Variants in PCDH7 observed in about 807,000 individuals in gnomAD.
PCDH7 encodes the protein protocadherin 7.
PCDH7 carries 17 observed loss-of-function variants against 58.9 expected under a neutral mutation model. That is an observed-to-expected ratio of 0.29 (90% confidence interval 0.20 to 0.43). The LOEUF (loss-of-function observed/expected upper bound fraction) is 0.43, where lower values mean the gene tolerates loss of function less well. Ranked by LOEUF, PCDH7 falls within the 20% of genes least tolerant of loss-of-function variation. The pLI is 1.00. For synonymous variants in PCDH7, 664 were observed against 616.4 expected (o/e 1.08, Z -1.14); for missense variants, 1,274 against 1,441.0 (o/e 0.88, Z 1.88).
chr4:31,107,428 G>A (rs924988162), intron 3 of PCDH7, among the ~76,000 whole-genome samples: 2 of 152,170 alleles, frequency 1.3e-5, no homozygotes, highest in East Asian at 3.9e-4. Flanking sequence ...TATAATGAGA[G>A]TGAGAAAGCA....
downstream of PCDH7, among the ~76,000 whole-genome samples, chr4:30,735,251 T>C (rs970603311): frequency 3.9e-5 from 6 of 152,172 alleles, no homozygotes; most frequent in African/African-American, 1.4e-4. Context: ...TTTCGTCAAC[T>C]GATATATTCC....
chr4:30,872,879 A>G (rs1391689847), intron 1 of PCDH7, among the ~76,000 whole-genome samples: 2 of 152,084 alleles, frequency 1.3e-5, no homozygotes, highest in Non-Finnish European at 2.9e-5. Context: ...CTTGCTTATG[A>G]GGATTCAGTA....
chr4:31,092,335 T>C (rs1304934900), intron 3 of PCDH7, among the ~76,000 whole-genome samples: 1 of 151,984 alleles, frequency 6.6e-6, no homozygotes, highest in Non-Finnish European at 1.5e-5. Context: ...AAGGAAAAAC[T>C]GAGGAATTAG....
chr4:30,801,302 A>G (rs1445849604), intron 1 of PCDH7, among the ~76,000 whole-genome samples: 3 of 152,246 alleles, frequency 2.0e-5, no homozygotes, highest in African/African-American at 4.8e-5. Context: ...ATTTATTTAC[A>G]CTTAGTGATA....
chr4:31,016,798 T>TGC (rs1426147831), intron 3 of PCDH7, among the ~76,000 whole-genome samples: 3 of 151,358 alleles, frequency 2.0e-5, no homozygotes, highest in African/African-American at 7.3e-5. Flanking sequence ...TGTGTGTGTG[T>TGC]GCGTGTGTGC....
intron 1 of PCDH7, among the ~76,000 whole-genome samples, chr4:30,892,499 G>A (rs2109385002): frequency 6.6e-6 from 1 of 152,074 alleles, no homozygotes; most frequent in Admixed American, 6.6e-5. Flanking sequence ...ATTTCATGGT[G>A]AAATAGAAAC....
chr4:31,091,125 G>A (rs1035377816), intron 3 of PCDH7, among the ~76,000 whole-genome samples: 4 of 151,786 alleles, frequency 2.6e-5, no homozygotes, highest in Admixed American at 1.3e-4. Flanking sequence ...ATTATATCCT[G>A]TCACCAAAAC....
chr4:30,883,173 C>T (rs1340853435), intron 1 of PCDH7, among the ~76,000 whole-genome samples: 1 of 152,154 alleles, frequency 6.6e-6, no homozygotes, highest in Non-Finnish European at 1.5e-5. Context: ...GGCTCAGAAT[C>T]CCACGGAGGT....
chr4:31,017,347 A>G (rs1753696135), intron 3 of PCDH7, among the ~76,000 whole-genome samples: 1 of 152,108 alleles, frequency 6.6e-6, no homozygotes, highest in African/African-American at 2.4e-5. Context: ...CAGCATTGTG[A>G]TAAGGGCTAT....
intron 3 of PCDH7, among the ~76,000 whole-genome samples, chr4:31,021,459 G>A (rs1754010301): frequency 6.6e-6 from 1 of 152,182 alleles, no homozygotes; most frequent in Non-Finnish European, 1.5e-5. Flanking sequence ...CTGACCTTTT[G>A]TATGGTCAGA....
rs555634312 is a variant in PCDH7 at position 30,952,914 on chromosome 4, A to G, written c.*7+2699A>G. Among the ~76,000 whole-genome samples, 13 of 152,304 alleles carry G rather than the reference A, an allele frequency of 8.5e-5. No individual in the cohort carries two copies. In the South Asian group the frequency reaches 2.7e-3, roughly 32 times the overall value. On this transcript the variant is annotated intron_variant, in intron 3 of 3. Coordinates refer to the PCDH7 transcript ENST00000509759. ...AAGTCCAAATATCCCTCTCCACCACATTCTCTACCAAGATACTCATAACAC... is the reference window on the plus strand; with the variant it reads ...AAGTCCAAATATCCCTCTCCACCACGTTCTCTACCAAGATACTCATAACAC...
chr4:30,970,598 A>T (rs1749499461), intron 3 of PCDH7, among the ~76,000 whole-genome samples: 1 of 152,148 alleles, frequency 6.6e-6, no homozygotes, highest in South Asian at 2.1e-4. Context: ...CGGCCAAATG[A>T]TACCTTTTAA....
At chr4:30,729,658 G>A (rs1715193294) in intron 1 of PCDH7, among the ~76,000 whole-genome samples, 4 of 152,040 alleles carry the variant, frequency 2.6e-5, no homozygotes, top group South Asian at 4.1e-4. Flanking sequence ...AACTTTTTAT[G>A]CATTCTAATT....
At chr4:31,097,502 AAGAAAGAG>A (rs1303705899) in intron 3 of PCDH7, among the ~76,000 whole-genome samples, 3 of 91,880 alleles carry the variant, frequency 3.3e-5, no homozygotes, top group African/African-American at 1.8e-4. Context: ...AAAAGAAAGA[AAGAAAGAG>A]AGAAAGAAAG....
chr4:30,901,086 C>G (rs1459556380), intron 1 of PCDH7, among the ~76,000 whole-genome samples: 1 of 152,120 alleles, frequency 6.6e-6, no homozygotes, highest in Non-Finnish European at 1.5e-5. Context: ...TTACAAATTA[C>G]TTTTACTAGA....
intron 3 of PCDH7, among the ~76,000 whole-genome samples, chr4:31,104,623 A>C (rs1041523519): frequency 6.6e-6 from 1 of 152,344 alleles, no homozygotes; most frequent in Admixed American, 6.5e-5. Flanking sequence ...AAAATGATTT[A>C]ATTTGCAGGA....
chr4:31,026,430 G>A (rs984403277), intron 3 of PCDH7, among the ~76,000 whole-genome samples: 3 of 152,200 alleles, frequency 2.0e-5, no homozygotes, highest in Admixed American at 6.5e-5. Context: ...TGGGCATACC[G>A]AAATGAGCAT....
chr4:31,099,810 A>G (rs1714664048), intron 3 of PCDH7, among the ~76,000 whole-genome samples: 1 of 152,100 alleles, frequency 6.6e-6, no homozygotes, highest in African/African-American at 2.4e-5. Context: ...ACATACATAT[A>G]TATATAAAAG....
At chr4:30,859,218 A>T (rs1005507737) in intron 1 of PCDH7, among the ~76,000 whole-genome samples, 1 of 152,118 alleles carries the variant, frequency 6.6e-6, no homozygotes, top group African/African-American at 2.4e-5. Context: ...GCTTTTTCCT[A>T]GGTGAAAAGG....
Sources: allele counts gnomAD v4.1 joint callset (sites outside exome capture counted in the v4.1 genomes callset), GRCh38; gene constraint gnomAD v4.1.1; transcripts MANE v1.5; gene names NCBI Gene and HGNC (gene_info 2026-07-23, HGNC 2026-07-21).